SULT1A1: variants seen among roughly 807,000 people sequenced by gnomAD.
SULT1A1 encodes sulfotransferase family 1A member 1.
In SULT1A1, 35 loss-of-function variants were observed where a neutral mutation model predicts 36.8. The observed-to-expected ratio is 0.95, with a 90% CI of 0.73 to 1.26. The LOEUF (loss-of-function observed/expected upper bound fraction) is 1.26, where lower values mean the gene tolerates loss of function less well. SULT1A1 is among the 50% of genes most tolerant of loss of function. The probability of loss-of-function intolerance (pLI) is 0.00; values close to 1 mark genes in which losing one functional copy is unlikely to be tolerated. For missense variants in SULT1A1, 309 were observed against 383.0 expected (o/e 0.81, Z 1.61); for synonymous variants, 119 against 146.0 (o/e 0.82, Z 1.33).
intron 1 of SULT1A1, among the ~76,000 whole-genome samples, chr16:28,622,457 T>C (rs371777990): frequency 1.3e-5 from 2 of 152,088 alleles, no homozygotes; most frequent in African/African-American, 4.8e-5. Context: ...CTCACAGGTA[T>C]ATAGTCCTCT....
exon 1 of SULT1A1, chr16:28,623,183 C>G: frequency 6.4e-7 from 1 of 1,550,744 alleles, no homozygotes; most frequent in East Asian, 2.4e-5. Flanking sequence ...GGTCGCACAG[C>G]AACTTGGCCA....
rs370292704 is a variant in SULT1A1, at chr16:28,608,306, C to T, written c.357G>A (p.Leu119=). The change falls in exon 4 of 8, where the codon TTG becomes TTA. Residue 119 remains leucine, a synonymous_variant. Transcript: ENST00000314752. ...LPLALLPQTL[L]DQKVKVVYVA... ...CCTGCCTCACCTTGACCTTCTGATC[C>T]AACAGAGTCTGGGGGAGCAGAGCCA... 18 of 1,612,302 alleles carry T rather than the reference C, an allele frequency of 1.1e-5. No individual in the cohort carries two copies. In the African/African-American group the frequency reaches 2.1e-4, roughly 19 times the overall value.
At position 28,608,529 on chromosome 16, in the gene SULT1A1, T is replaced by A. The variant is rs1351814157; in HGVS notation, c.223A>T (p.Ile75Phe). The A allele has an allele frequency of 7.4e-6, 12 of 1,612,418 alleles. 2 individuals carry two copies. The highest frequency in any genetic ancestry group is 1.0e-5 in the Non-Finnish European group (12 of 1,178,688). ...GDLEKCHRAP[I>F]FMRVPFLEFK... ...TCAAGGAAGGGCACCCGCATGAAGATGGGAGCTCGGTGACACTTCTCCAGG... is the reference window on the plus strand; with the variant it reads ...TCAAGGAAGGGCACCCGCATGAAGAAGGGAGCTCGGTGACACTTCTCCAGG... The change falls in exon 3 of 8, where the codon ATC becomes TTC. Residue 75 changes from isoleucine to phenylalanine, a missense_variant. Transcript: ENST00000314752.
At chr16:28,622,949 A>G (rs1481848925) in intron 1 of SULT1A1, among the ~76,000 whole-genome samples, 1 of 151,924 alleles carries the variant, frequency 6.6e-6, no homozygotes, top group East Asian at 1.9e-4. Context: ...CAAACACCCC[A>G]GCCTCCAGCC....
chr16:28,622,683 C>G (rs767714961), intron 1 of SULT1A1, among the ~76,000 whole-genome samples: 88 of 152,210 alleles, frequency 5.8e-4, no homozygotes, highest in Non-Finnish European at 1.2e-3. Flanking sequence ...AACAGCAGGT[C>G]GGTTCCTTCC....
At chr16:28,609,356 C>T (rs1361339837) in intron 1 of SULT1A1, 13 of 1,290,698 alleles carry the variant, frequency 1.0e-5, no homozygotes, top group South Asian at 1.2e-5. Flanking sequence ...GCCTGTGATC[C>T]ACTTGCCTGG....
At chr16:28,623,248 C>A (rs1418353279) in exon 1 of SULT1A1, 1 of 1,545,234 alleles carries the variant, frequency 6.5e-7, no homozygotes, top group South Asian at 1.2e-5. Flanking sequence ...CCCAGCCACA[C>A]GTAGTTGAAG....
chr16:28,605,605 G>T lies in SULT1A1; in HGVS notation c.*216C>A. ...TATTTTATTCTCTTTTTAAAAATTGGTTTTATTTTATTTTATTTTTTTAAC... is the reference window on the plus strand; with the variant it reads ...TATTTTATTCTCTTTTTAAAAATTGTTTTTATTTTATTTTATTTTTTTAAC... On this transcript the variant is annotated 3_prime_UTR_variant, in exon 8 of 8. Coordinates refer to ENST00000314752, the MANE Select transcript of SULT1A1 (RefSeq NM_001055.4). The T allele has an allele frequency of 1.2e-6, 1 of 827,798 alleles. No homozygotes were observed. The highest frequency in any genetic ancestry group is 1.9e-6 in the Non-Finnish European group (1 of 536,206). The allele number at this position is 827,798 out of a possible 1,614,324, so 51.3% of individuals were successfully genotyped here.
chr16:28,620,827 T>C (rs762357222), intron 1 of SULT1A1, among the ~76,000 whole-genome samples: 5 of 152,026 alleles, frequency 3.3e-5, no homozygotes, highest in Admixed American at 6.6e-5. Context: ...AAAAAGCTAG[T>C]GGGCTGGGCA....
chr16:28,609,653 G>A, intron 1 of SULT1A1: 1 of 384,672 alleles, frequency 2.6e-6, no homozygotes, highest in Admixed American at 4.1e-5. Context: ...AGCTACTCCA[G>A]AGGCTGAGGC....
intron 2 of SULT1A1, among the ~76,000 whole-genome samples, chr16:28,617,072 G>A (rs1192595804): frequency 6.6e-6 from 1 of 151,960 alleles, no homozygotes; most frequent in Non-Finnish European, 1.5e-5. Context: ...CTGGAGTGCA[G>A]TGGTACAATC....
At position 28,605,685 on chromosome 16, in the gene SULT1A1, T is replaced by A; in HGVS notation, c.*136A>T. 2.1e-6 allele frequency: 3 copies of A among 1,459,890 alleles called. No homozygotes were observed. The highest frequency in any genetic ancestry group is 2.8e-6 in the Non-Finnish European group (3 of 1,061,894). 90.4% of individuals were successfully genotyped at this position (1,459,890 alleles called of 1,614,324 possible). ...TCGAACTCCTGGGCTCAAATGATCC[T>A]CCCACCTCAGCCTCCAAATTGCTGG... On this transcript the variant is annotated 3_prime_UTR_variant, in exon 8 of 8. Transcript: ENST00000314752.
chr16:28,605,696 CCT>C lies in SULT1A1; in HGVS notation c.*123_*124del. 2.0e-6 allele frequency: 3 copies of C among 1,505,892 alleles called. No individual in the cohort carries two copies. In the South Asian group the frequency reaches 3.5e-5, roughly 18 times the overall value. 93.3% of individuals were successfully genotyped at this position (1,505,892 alleles called of 1,614,324 possible). A position where few individuals can be genotyped will look rare whatever the true frequency, so the allele number is the denominator to read the frequency against. ...GGCTCAAATGATCCTCCCACCTCAG[CCT>C]CCAAATTGCTGGGATTACAGACATG... On this transcript the variant is annotated 3_prime_UTR_variant, in exon 8 of 8. Transcript: ENST00000314752.
chr16:28,618,042 C>CTT (rs11357624), intron 2 of SULT1A1, among the ~76,000 whole-genome samples: 5,549 of 139,432 alleles, frequency 0.04, 271 homozygotes, highest in East Asian at 0.25. Flanking sequence ...ACTTCCTGCT[C>CTT]TTTTTTTTTT....
At chr16:28,609,886 T>G (rs2047378687) in intron 1 of SULT1A1, 45 bp downstream of exon 1, 1 of 1,253,272 alleles carries the variant, frequency 8.0e-7, no homozygotes, top group Non-Finnish European at 1.0e-6. Context: ...AGCCACAAGC[T>G]GAGCAGGGTG....
chr16:28,616,445 C>T (rs574310261), intron 2 of SULT1A1, among the ~76,000 whole-genome samples: 2 of 152,174 alleles, frequency 1.3e-5, no homozygotes, highest in African/African-American at 4.8e-5. Context: ...CGCCACCATG[C>T]CTGGCTAATT....
At chr16:28,611,411 G>A (rs1382838006), upstream of SULT1A1, 9 of 152,160 alleles carry the variant, frequency 5.9e-5, no homozygotes, top group African/African-American at 1.9e-4. Context: ...GGATCTCATT[G>A]TATGATCAGT....
chr16:28,607,654 C>CAA (rs5816471), intron 4 of SULT1A1: 3 of 87,478 alleles, frequency 3.4e-5, no homozygotes, highest in Admixed American at 1.3e-4. Flanking sequence ...CAGAGAGTCT[C>CAA]AAAAAAAAAA....
At chr16:28,609,385 C>T (rs1304282295) in intron 1 of SULT1A1, 2 of 1,289,624 alleles carry the variant, frequency 1.6e-6, no homozygotes, top group African/African-American at 3.0e-5. Flanking sequence ...CATCTGGGCT[C>T]CAGGACAAAC....
Sources: allele counts gnomAD v4.1 joint callset (sites outside exome capture counted in the v4.1 genomes callset), GRCh38; gene constraint gnomAD v4.1.1; transcripts MANE v1.5; gene names NCBI Gene and HGNC (gene_info 2026-07-23, HGNC 2026-07-21).